Variants in ROS1 observed in about 807,000 individuals in gnomAD.
ROS1 encodes the protein ROS proto-oncogene 1, receptor tyrosine kinase, also known as proto-oncogene tyrosine-protein kinase ROS.
A neutral mutation model predicts 273.5 loss-of-function variants in ROS1; 263 were observed. The observed-to-expected ratio is 0.96, with a 90% confidence interval of 0.87 to 1.06. The LOEUF (loss-of-function observed/expected upper bound fraction) is 1.06. Ranked by LOEUF, ROS1 falls within the 50% of genes least tolerant of loss-of-function variation. ROS1 has a pLI of 0.00. For synonymous variants in ROS1, 1,008 were observed against 954.1 expected, an observed-to-expected ratio of 1.06 and a Z score of -1.04; for missense variants, 2,833 against 2,751.1, an observed-to-expected ratio of 1.03 and a Z score of -0.67.
intron 32 of ROS1, among the ~76,000 whole-genome samples, chr6:117,335,274 CA>C (rs1195587213): frequency 6.6e-6 from 1 of 152,084 alleles, no homozygotes; most frequent in Non-Finnish European, 1.5e-5. Flanking sequence ...GAGTACAAAT[CA>C]AAACTACAAT....
At position 117,341,499 on chromosome 6, in the gene ROS1, G is replaced by A; in HGVS notation, c.4785C>T (p.Ala1595=). 1 of 1,613,814 alleles carries A rather than the reference G, an allele frequency of 6.2e-7. No individual in the cohort carries two copies. Among genetic ancestry groups the A allele is most frequent in the Non-Finnish European group, 8.5e-7 (1 of 1,179,788 alleles). Residue 1595 remains alanine (A), a synonymous_variant, in exon 30 of 44, where the codon GCC becomes GCT. Transcript: ENST00000368507. Reference sequence around the variant, plus strand: ...GTCTTAGAGGAGTTTCAGGAATTAGGGCCAGGTGTGAGATTGCCAACTGAT... The same window carrying A: ...GTCTTAGAGGAGTTTCAGGAATTAGAGCCAGGTGTGAGATTGCCAACTGAT... ...VRYQLAISHL[A]LIPETPLRQS...
chr6:117,394,643 A>T lies in ROS1; in HGVS notation c.979T>A (p.Leu327Met), dbSNP rs1025021082. The change falls in exon 10 of 44, where the codon TTG becomes ATG. Residue 327 changes from leucine to methionine, a missense_variant. Physicochemically the swap from Leu to Met is conservative, Grantham distance 15 (BLOSUM62 2). Coordinates refer to ENST00000368507, the MANE Select transcript of ROS1 (RefSeq NM_001378902.1). ...HLVDEAHCLR[L>M]DAIYHNITGI... ...GTAATATTATGGTATATAGCATCCAACCGAAGGCAATGTGCTTCATCTACT... is the reference window on the plus strand; with the variant it reads ...GTAATATTATGGTATATAGCATCCATCCGAAGGCAATGTGCTTCATCTACT... The T allele has an allele frequency of 6.2e-7, 1 of 1,611,594 alleles. No homozygotes were observed. The highest frequency in any genetic ancestry group is 1.7e-5 in the Admixed American group (1 of 59,922).
At chr6:117,323,319 C>T (rs1191307880) in intron 35 of ROS1, among the ~76,000 whole-genome samples, 4 of 152,136 alleles carry the variant, frequency 2.6e-5, no homozygotes, top group Non-Finnish European at 5.9e-5. Context: ...AGAATAAAGA[C>T]TTAGAACACA....
In ROS1 at chr6:117,317,216, G is replaced by C. The variant is rs2128555654; in HGVS notation, c.6044C>G (p.Pro2015Arg). Residue 2015 changes from proline (P) to arginine (R), a missense_variant, in exon 39 of 44, where the codon CCC becomes CGC. By Grantham distance (103) the Pro-to-Arg change is moderately radical. Transcript: ENST00000368507. ...KQLGVCLLNE[P>R]QYIILELMEG... ...CATCAGTTCCAGGATAATGTATTGG[G>C]GTTCATTCAGCAGACAAACTCCAAG... The C allele has an allele frequency of 6.2e-7, 1 of 1,613,220 alleles. No individual in the cohort carries two copies.
rs752267632 is a variant in ROS1, at chr6:117,320,052, G to A, written c.5760-22C>T. On this transcript the variant is annotated intron_variant, in intron 36 of 43. Transcript: ENST00000368507. ...AGTACTGTAAAATAGCAACATTTTT[G>A]TCTCCCCACCCTCCACATATATAGG... The A allele has an allele frequency of 9.3e-6, 15 of 1,609,986 alleles. 1 individual carries two copies. In the South Asian group the frequency reaches 1.4e-4, roughly 15 times the overall value.
chr6:117,300,554 T>A (rs1482723508), intron 43 of ROS1, among the ~76,000 whole-genome samples: 1 of 151,948 alleles, frequency 6.6e-6, no homozygotes. Flanking sequence ...GAGAGGAATA[T>A]GGGGATAAAA....
At chr6:117,412,522 C>T (rs754517374) in intron 4 of ROS1, among the ~76,000 whole-genome samples, 9 of 152,016 alleles carry the variant, frequency 5.9e-5, no homozygotes, top group Non-Finnish European at 1.2e-4. Context: ...TACGTTCAAA[C>T]ATCAATGAGT....
In ROS1 at chr6:117,288,489, C is replaced by G. The variant is rs748344869; in HGVS notation, c.*3G>C. Reference sequence around the variant, plus strand: ...TCAACTCTCTATTTCCCAAACAACGCTATTAATCAGACCCATCTCCATATC... The same window carrying G: ...TCAACTCTCTATTTCCCAAACAACGGTATTAATCAGACCCATCTCCATATC... On this transcript the variant is annotated 3_prime_UTR_variant, in exon 44 of 44. Transcript: ENST00000368507. The G allele has an allele frequency of 6.2e-7, 1 of 1,607,054 alleles. No individual in the cohort carries two copies. Among genetic ancestry groups the G allele is most frequent in the South Asian group, 1.1e-5 (1 of 89,668 alleles).
chr6:117,340,701 A>T (rs1399367870), intron 31 of ROS1, among the ~76,000 whole-genome samples: 2 of 152,168 alleles, frequency 1.3e-5, no homozygotes, highest in Admixed American at 6.6e-5. Context: ...CTTTAGAATA[A>T]GCTGGTTTTA....
intron 34 of ROS1, among the ~76,000 whole-genome samples, 190 bp from the exon 35 acceptor site, chr6:117,324,605 G>A (rs1434914010): frequency 6.6e-6 from 1 of 151,690 alleles, no homozygotes; most frequent in Non-Finnish European, 1.5e-5. Flanking sequence ...TCAAAAGCAA[G>A]GTGTTTTTGC....
At position 117,341,508 on chromosome 6, in the gene ROS1, TGA is replaced by T; in HGVS notation, c.4774_4775del (p.Ser1592ThrfsTer7). 7 of 1,611,502 alleles carry T rather than the reference TGA, an allele frequency of 4.3e-6. No individual in the cohort carries two copies. The highest frequency in any genetic ancestry group is 1.1e-5 in the South Asian group (1 of 91,034). The stretch of plus-strand genomic sequence containing the variant: ...GAGTTTCAGGAATTAGGGCCAGGTG[TGA>T]GATTGCCAACTGATAACGGACTGAT... ...KESVRYQLAI[S>X]HLALIPETPL... is the part of the protein sequence containing the mutation. On this transcript the variant is annotated frameshift_variant, in exon 30 of 44. Coordinates refer to ENST00000368507, the MANE Select transcript of ROS1 (RefSeq NM_001378902.1). LOFTEE classifies it high-confidence loss of function.
intron 5 of ROS1, among the ~76,000 whole-genome samples, chr6:117,409,251 C>CCAG (rs58382092): frequency 6.6e-6 from 1 of 151,318 alleles, no homozygotes; most frequent in African/African-American, 2.4e-5. Context: ...AGAAAAAAAA[C>CCAG]TGGCATTCTC....
intron 27 of ROS1, among the ~76,000 whole-genome samples, chr6:117,349,167 T>G (rs1472470172): frequency 1.3e-5 from 2 of 152,008 alleles, no homozygotes; most frequent in Non-Finnish European, 2.9e-5. Context: ...CCATTTCTGA[T>G]AGATGTCGTG....
At chr6:117,396,086 G>T in intron 9 of ROS1, 102 bp downstream of exon 9, 1 of 653,466 alleles carries the variant, frequency 1.5e-6, no homozygotes, top group South Asian at 2.5e-5. Flanking sequence ...GGGCAGAAGA[G>T]GTGGGTCTTG....
intron 18 of ROS1, among the ~76,000 whole-genome samples, chr6:117,374,913 G>C (rs1412853571): frequency 7.9e-5 from 12 of 152,172 alleles, no homozygotes; most frequent in Non-Finnish European, 2.9e-5. Flanking sequence ...AGAACTAAAA[G>C]TAGATCTACC....
Position 117,365,536 on chromosome 6 carries a change from TAC to T in ROS1, c.2958+43_2958+44del, listed in dbSNP as rs372513367. 2,272 of 1,526,962 alleles carry T rather than the reference TAC, an allele frequency of 1.5e-3. 16 individuals are homozygous for T. The African/African-American group carries it at 0.024, about 16-fold the overall frequency. The allele number at this position is 1,526,962 out of a possible 1,614,324, so 94.6% of individuals were successfully genotyped here. ...GTGTGGGCAAGGCTGACACAGATGG[TAC>T]AGTCTGTTTGGGAAATGAAAGTTAC... On this transcript the variant is annotated intron_variant, in intron 20 of 43. Coordinates refer to ENST00000368507, the MANE Select transcript of ROS1 (RefSeq NM_001378902.1).
rs776458549 is a variant in ROS1 at position 117,288,371 on chromosome 6, C to G, written c.*121G>C. The G allele has an allele frequency of 2.2e-6, 2 of 921,368 alleles. No homozygotes were observed. Among genetic ancestry groups the G allele is most frequent in the Non-Finnish European group, 3.3e-6 (2 of 614,950 alleles). 57.1% of individuals were successfully genotyped at this position (921,368 alleles called of 1,614,324 possible). On this transcript the variant is annotated 3_prime_UTR_variant, in exon 44 of 44. Transcript: ENST00000368507. ...CAGAACCAAGATTAGAAATCAGGAA[C>G]GTTGCATTGTTTATTTGGAGTTATA... is the stretch of plus-strand genomic sequence containing the variant.
intron 28 of ROS1, among the ~76,000 whole-genome samples, chr6:117,343,726 C>T (rs1275662925): frequency 2.0e-5 from 3 of 152,194 alleles, no homozygotes; most frequent in Non-Finnish European, 4.4e-5. Context: ...AATCTTCAGT[C>T]TGCTCCATAG....
intron 26 of ROS1, among the ~76,000 whole-genome samples, chr6:117,355,313 T>C (rs1257104863): frequency 6.6e-6 from 1 of 152,180 alleles, no homozygotes; most frequent in African/African-American, 2.4e-5. Context: ...ATCTACTTAA[T>C]GATAGGAATT....
Sources: gnomAD v4.1 joint callset for allele counts (sites outside exome capture counted in the v4.1 genomes callset) on GRCh38, gnomAD v4.1.1 for gene constraint, MANE v1.5 for transcripts, NCBI Gene and HGNC (gene_info 2026-07-23, HGNC 2026-07-21) for gene names.